Variants in VEPH1 observed in about 807,000 individuals in gnomAD.
The protein encoded by VEPH1 is ventricular zone-expressed PH domain-containing protein homolog 1.
A neutral mutation model predicts 85.2 loss-of-function variants in VEPH1; 80 were observed. The observed-to-expected ratio is 0.94, with a 90% CI of 0.78 to 1.13. VEPH1 has a LOEUF of 1.13. VEPH1 is among the 50% of genes most tolerant of loss of function. The probability of loss-of-function intolerance (pLI) is 0.00; values close to 1 mark genes in which losing one functional copy is unlikely to be tolerated. For synonymous variants in VEPH1, 297 were observed against 348.0 expected (o/e 0.85, Z 1.63); for missense variants, 955 against 980.5 (o/e 0.97, Z 0.35).
intron 9 of VEPH1, among the ~76,000 whole-genome samples, chr3:157,324,222 A>AT (rs924060556): frequency 6.6e-6 from 1 of 151,782 alleles, no homozygotes; most frequent in African/African-American, 2.4e-5. Flanking sequence ...TGCCTGGCTA[A>AT]TTTTTTTGTA....
intron 4 of VEPH1, chr3:157,437,847 GCTGCGGCAGACGCGAGCCGAC>G (rs1733756769): frequency 6.7e-7 from 1 of 1,497,400 alleles, no homozygotes; most frequent in East Asian, 2.7e-5. Context: ...TGCTAGAGGA[GCTGCGGCAGACGCGAGCCGAC>G]CTGCACGCGG....
chr3:157,300,211 T>G (rs1338281406), intron 11 of VEPH1, among the ~76,000 whole-genome samples: 1 of 152,186 alleles, frequency 6.6e-6, no homozygotes, highest in Non-Finnish European at 1.5e-5. Flanking sequence ...ATTTTACTCA[T>G]GCACTGATTA....
intron 6 of VEPH1, among the ~76,000 whole-genome samples, chr3:157,388,854 C>T (rs1254981380): frequency 6.6e-6 from 1 of 152,126 alleles, no homozygotes; most frequent in East Asian, 1.9e-4. Flanking sequence ...TATGCAAGTC[C>T]TGTGCCACTT....
intron 4 of VEPH1, among the ~76,000 whole-genome samples, chr3:157,452,188 G>A (rs1560073352): frequency 6.6e-6 from 1 of 152,116 alleles, no homozygotes. Flanking sequence ...GCACATGCAG[G>A]GGAGGGCAGC....
intron 10 of VEPH1, among the ~76,000 whole-genome samples, chr3:157,314,673 A>T (rs1330450486): frequency 6.6e-6 from 1 of 152,160 alleles, no homozygotes; most frequent in Non-Finnish European, 1.5e-5. Context: ...TAAGTTCATT[A>T]TGAAATTAAT....
chr3:157,464,069 T>C (rs536253833), intron 3 of VEPH1, among the ~76,000 whole-genome samples: 1 of 152,254 alleles, frequency 6.6e-6, no homozygotes, highest in African/African-American at 2.4e-5. Context: ...TGATCAAACA[T>C]GTGGTGTTTA....
At chr3:157,422,454 C>G (rs575011186) in intron 5 of VEPH1, among the ~76,000 whole-genome samples, 1 of 152,296 alleles carries the variant, frequency 6.6e-6, no homozygotes, top group Admixed American at 6.5e-5. Context: ...ATGGTATGAG[C>G]TCAGTCACTA....
intron 9 of VEPH1, among the ~76,000 whole-genome samples, chr3:157,361,610 A>C (rs1046137445): frequency 6.6e-6 from 1 of 152,202 alleles, no homozygotes; most frequent in Non-Finnish European, 1.5e-5. Flanking sequence ...GAACCATCAC[A>C]TAGATCTCAA....
At chr3:157,468,642 C>G (rs376474887) in intron 3 of VEPH1, among the ~76,000 whole-genome samples, 1 of 151,818 alleles carries the variant, frequency 6.6e-6, no homozygotes, top group South Asian at 2.1e-4. Context: ...TTAAAAATTG[C>G]TATATTGATT....
intron 6 of VEPH1, among the ~76,000 whole-genome samples, chr3:157,393,336 C>A (rs1730051151): frequency 6.6e-6 from 1 of 152,086 alleles, no homozygotes; most frequent in Admixed American, 6.6e-5. Context: ...AATGCTATTA[C>A]CAAATTCATC....
rs766142185 is a variant in VEPH1, at chr3:157,460,184, G to C, written c.526C>G (p.Gln176Glu). Residue 176 changes from glutamine to glutamate, a missense_variant, in exon 4 of 14, where the codon CAA (glutamine) becomes GAA (glutamate). Transcript: ENST00000362010. ...AAGCTCAACTTTCGCACCATACCTT[G>C]GAGTATGCTCTTTACTATAACTTCC... ...HTEVIVKSIL[Q>E]GNTMLLRVLP... 6.2e-7 allele frequency: 1 copy of C among 1,614,120 alleles called. No homozygotes were observed. The highest frequency in any genetic ancestry group is 1.1e-5 in the South Asian group (1 of 91,074).
intron 11 of VEPH1, among the ~76,000 whole-genome samples, chr3:157,294,354 C>A (rs982413631): frequency 4.6e-5 from 7 of 152,144 alleles, no homozygotes; most frequent in African/African-American, 1.7e-4. Flanking sequence ...GGAACAGATA[C>A]GTATTCTTGA....
chr3:157,328,655 G>A (rs907577477), intron 9 of VEPH1, among the ~76,000 whole-genome samples: 3 of 152,166 alleles, frequency 2.0e-5, no homozygotes, highest in African/African-American at 7.2e-5. Flanking sequence ...GGACTGTTAA[G>A]ATATGTGCAA....
At chr3:157,294,293 C>G (rs1717862615) in intron 11 of VEPH1, among the ~76,000 whole-genome samples, 1 of 152,168 alleles carries the variant, frequency 6.6e-6, no homozygotes, top group Non-Finnish European at 1.5e-5. Flanking sequence ...GACTGTTTCT[C>G]CAACTTCCCC....
intron 7 of VEPH1, among the ~76,000 whole-genome samples, chr3:157,369,193 A>ACAAAACAAAAAAAAAAAAAAC (rs1417067119): frequency 7.1e-6 from 1 of 140,572 alleles, no homozygotes; most frequent in East Asian, 2.2e-4. Flanking sequence ...AAAAAAAAAA[A>ACAAAACAAAAAAAAAAAAAAC]AAAAAAAAAA....
At chr3:157,436,835 C>A in intron 4 of VEPH1, 1 of 1,294,970 alleles carries the variant, frequency 7.7e-7, no homozygotes, top group Non-Finnish European at 1.0e-6. Flanking sequence ...TAAGGACTCT[C>A]TGCTCCAGCC....
intron 3 of VEPH1, among the ~76,000 whole-genome samples, chr3:157,463,900 T>C (rs550009504): frequency 6.6e-6 from 1 of 152,256 alleles, no homozygotes; most frequent in East Asian, 1.9e-4. Flanking sequence ...TAGACCACGG[T>C]GAAACCTGAT....
chr3:157,501,932 T>A (rs1181755814), intron 1 of VEPH1, among the ~76,000 whole-genome samples: 2 of 152,230 alleles, frequency 1.3e-5, no homozygotes, highest in African/African-American at 4.8e-5. Context: ...TCAATAAAGT[T>A]CTCAGATTTT....
intron 12 of VEPH1, among the ~76,000 whole-genome samples, chr3:157,284,367 G>A (rs1298602025): frequency 6.6e-6 from 1 of 151,928 alleles, no homozygotes; most frequent in Non-Finnish European, 1.5e-5. Context: ...CTATCCCAAG[G>A]GTCAGCCTGT....
Sources: gnomAD v4.1 joint callset for allele counts (sites outside exome capture counted in the v4.1 genomes callset) on GRCh38, gnomAD v4.1.1 for gene constraint, MANE v1.5 for transcripts, NCBI Gene and HGNC (gene_info 2026-07-23, HGNC 2026-07-21) for gene names.